FANCB: variants seen among roughly 807,000 people sequenced by gnomAD.
The protein encoded by FANCB is FA complementation group B.
FANCB carries 5 observed loss-of-function variants against 38.9 expected under a neutral mutation model. That is an observed-to-expected ratio of 0.13 (90% CI 0.07 to 0.27). FANCB has a LOEUF of 0.27. FANCB is among the 10% of genes least tolerant of loss of function. The pLI is 1.00. For synonymous variants in FANCB, 236 were observed against 215.4 expected, an observed-to-expected ratio of 1.10 and a Z score of -0.84; for missense variants, 573 against 602.7, an observed-to-expected ratio of 0.95 and a Z score of 0.52.
chrX:14,730,470 T>G, the FANCB span: 2 of 1,205,649 alleles, frequency 1.7e-6, no homozygotes, highest in Non-Finnish European at 1.1e-6. Flanking sequence ...GGCATGAAGA[T>G]GTCCACAAGA....
chrX:14,797,679 TAAA>T, the FANCB span, among the ~76,000 whole-genome samples: 1 of 82,970 alleles, frequency 1.2e-5, no homozygotes, highest in Non-Finnish European at 2.4e-5. Context: ...GAGATTCCAT[TAAA>T]AAAAAAAAAA....
At chrX:14,865,681 T>G in intron 2 of FANCB, 101 bp from the exon 3 acceptor site, 1 of 401,013 alleles carries the variant, frequency 2.5e-6, no homozygotes, top group South Asian at 5.0e-5. Flanking sequence ...CACATTTTAT[T>G]AAGTAAACAT....
At chrX:14,762,712 T>A in the FANCB span, among the ~76,000 whole-genome samples, 2 of 111,843 alleles carry the variant, frequency 1.8e-5, no homozygotes, top group Admixed American at 1.9e-4. Context: ...AACAATTAAA[T>A]GCAAGGTCCT....
chrX:14,766,183 A>G, the FANCB span, among the ~76,000 whole-genome samples: 1 of 112,121 alleles, frequency 8.9e-6, no homozygotes, highest in Non-Finnish European at 1.9e-5. Context: ...ATACTGACAA[A>G]ACAGATTGCT....
At chrX:14,828,262 A>T in the FANCB span, among the ~76,000 whole-genome samples, 1 of 111,879 alleles carries the variant, frequency 8.9e-6, no homozygotes, top group Non-Finnish European at 1.9e-5. Flanking sequence ...TCTTAAAATA[A>T]GACAACAATG....
the FANCB span, among the ~76,000 whole-genome samples, chrX:14,788,046 C>T: frequency 2.9e-4 from 31 of 106,880 alleles, no homozygotes; most frequent in African/African-American, 9.9e-4. Flanking sequence ...TCTGGCTAGA[C>T]TGTGTCAGAG....
the FANCB span, among the ~76,000 whole-genome samples, chrX:14,782,016 T>C: frequency 8.9e-6 from 1 of 112,006 alleles, no homozygotes; most frequent in African/African-American, 3.2e-5. Flanking sequence ...TTTAGAATGT[T>C]TGTGAGCAGT....
In FANCB at chrX:14,864,896, A is replaced by G. The variant is rs777464540; in HGVS notation, c.615T>C (p.Tyr205=). 4.1e-6 allele frequency: 5 copies of G among 1,209,203 alleles called. No individual in the cohort carries two copies. The South Asian group carries it at 7.0e-5, about 17-fold the overall frequency. The part of the protein sequence containing the change: ...ECTQEPSKSD[Y]AIWNTKFCVY... ...CACAAAATTTGGTATTCCAAATTGC[A>G]TAATCTGATTTTGAAGGCTCTTGAG... The change falls in exon 3 of 10, where the codon TAT becomes TAC. Residue 205 remains tyrosine, a synonymous_variant. Coordinates refer to ENST00000650831, the MANE Select transcript of FANCB (RefSeq NM_001018113.3).
the FANCB span, among the ~76,000 whole-genome samples, chrX:14,728,402 A>C: frequency 9.0e-6 from 1 of 111,500 alleles, no homozygotes; most frequent in Non-Finnish European, 1.9e-5. Flanking sequence ...AAAAATAATA[A>C]TAATAAAGGT....
the FANCB span, among the ~76,000 whole-genome samples, chrX:14,815,431 G>A: frequency 1.8e-5 from 2 of 111,408 alleles, no homozygotes; most frequent in African/African-American, 6.5e-5. Flanking sequence ...TGAACAGATT[G>A]ATTAGCTGAA....
chrX:14,731,889 T>A, the FANCB span: 1 of 111,436 alleles, frequency 9.0e-6, no homozygotes, highest in Non-Finnish European at 1.9e-5. Context: ...TATTTGAAAA[T>A]TTTTCTTATT....
chrX:14,844,773 C>A (rs769594741), intron 8 of FANCB, 33 bp from the exon 9 acceptor site: 11 of 1,158,895 alleles, frequency 9.5e-6, no homozygotes, highest in East Asian at 3.0e-5. Flanking sequence ...TATCATTAAA[C>A]TCTGCCCATT....
chrX:14,701,932 C>A, the FANCB span, among the ~76,000 whole-genome samples: 3 of 111,756 alleles, frequency 2.7e-5, no homozygotes, highest in Non-Finnish European at 5.6e-5. Flanking sequence ...TATTTCAGTG[C>A]AGAATGTTGT....
At chrX:14,757,891 C>T in the FANCB span, among the ~76,000 whole-genome samples, 26 of 111,465 alleles carry the variant, frequency 2.3e-4, no homozygotes, top group South Asian at 4.2e-3. Flanking sequence ...GGCAGGCAGG[C>T]GGCAGACGGA....
the FANCB span, among the ~76,000 whole-genome samples, chrX:14,806,014 C>T: frequency 1.8e-5 from 2 of 112,279 alleles, no homozygotes; most frequent in East Asian, 2.8e-4. Context: ...ACAGAAAATG[C>T]TAATCTGAAA....
At chrX:14,825,038 T>C in the FANCB span, among the ~76,000 whole-genome samples, 1 of 112,240 alleles carries the variant, frequency 8.9e-6, no homozygotes, top group Admixed American at 9.5e-5. Flanking sequence ...TTTAAAGATA[T>C]TAATACCACT....
At chrX:14,811,314 C>G in the FANCB span, among the ~76,000 whole-genome samples, 3 of 111,370 alleles carry the variant, frequency 2.7e-5, no homozygotes, top group African/African-American at 9.8e-5. Context: ...TCACACATAA[C>G]AATATTAACT....
chrX:14,727,784 C>T, the FANCB span, among the ~76,000 whole-genome samples: 6 of 111,722 alleles, frequency 5.4e-5, no homozygotes, highest in Admixed American at 9.5e-5. Flanking sequence ...GGAAGTACTC[C>T]GATGTTAGGC....
the FANCB span, among the ~76,000 whole-genome samples, chrX:14,785,277 C>A: frequency 3.6e-5 from 4 of 111,435 alleles, no homozygotes; most frequent in Non-Finnish European, 7.5e-5. Flanking sequence ...TCCCTTTTGC[C>A]GGGTAAGGTA....
Sources: gnomAD v4.1 joint callset for allele counts (sites outside exome capture counted in the v4.1 genomes callset) on GRCh38, gnomAD v4.1.1 for gene constraint, MANE v1.5 for transcripts, NCBI Gene and HGNC (gene_info 2026-07-23, HGNC 2026-07-21) for gene names.